Variants in RSPH14 observed in about 807,000 individuals in gnomAD.
RSPH14 encodes radial spoke head 14 homolog, also known as rhabdoid tumor deletion region gene 1.
A neutral mutation model predicts 26.7 loss-of-function variants in RSPH14; 20 were observed. That is an observed-to-expected ratio of 0.75 (90% CI 0.53 to 1.09). The LOEUF (loss-of-function observed/expected upper bound fraction) is 1.09, where lower values mean the gene tolerates loss of function less well. RSPH14 is among the 50% of genes least tolerant of loss of function. The pLI, the probability that RSPH14 is intolerant of heterozygous loss-of-function variation, is 0.00. For missense variants in RSPH14, 449 were observed against 457.2 expected (o/e 0.98, Z 0.16); for synonymous variants, 177 against 189.3 (o/e 0.93, Z 0.53).
the RSPH14 span, among the ~76,000 whole-genome samples, chr22:23,168,069 C>G: frequency 6.6e-6 from 1 of 152,094 alleles, no homozygotes; most frequent in Non-Finnish European, 1.5e-5. Context: ...CCAGGCTGCA[C>G]TAATTCTTAC....
In RSPH14 at chr22:23,127,561, C is replaced by T. The variant is rs552450423; in HGVS notation, c.421+6465G>A. 5.3e-5 allele frequency among the ~76,000 whole-genome samples: 8 copies of T among 152,294 alleles called. No homozygotes were observed. In the South Asian group the frequency reaches 8.3e-4, roughly 16 times the overall value. Reference sequence around the variant, plus strand: ...TCCATCGAAGGAAGCTGGGTGTCCACGGGTGGCTGCTGAAGAGGGACAGGG... The same window carrying T: ...TCCATCGAAGGAAGCTGGGTGTCCATGGGTGGCTGCTGAAGAGGGACAGGG... On this transcript the variant is annotated intron_variant, in intron 4 of 6. Transcript: ENST00000216036.
chr22:23,066,517 AG>A (rs775802175), intron 4 of RSPH14, among the ~76,000 whole-genome samples: 14 of 152,330 alleles, frequency 9.2e-5, no homozygotes, highest in African/African-American at 3.1e-4. Context: ...TGCTTAGCAC[AG>A]GGACCGGGGT....
chr22:23,118,942 A>C (rs1415054659), intron 4 of RSPH14, among the ~76,000 whole-genome samples: 3 of 152,238 alleles, frequency 2.0e-5, no homozygotes, highest in Admixed American at 2.0e-4. Context: ...CACAAAGGCC[A>C]GATGGGTGCA....
chr22:23,177,330 C>T, the RSPH14 span, among the ~76,000 whole-genome samples: 12 of 152,126 alleles, frequency 7.9e-5, no homozygotes, highest in Admixed American at 2.6e-4. Flanking sequence ...ATCACTTCCT[C>T]CCCCATACAC....
chr22:23,156,052 G>T, the RSPH14 span: 1 of 1,604,766 alleles, frequency 6.2e-7, no homozygotes, highest in Non-Finnish European at 8.5e-7. Flanking sequence ...ATGCCACGTC[G>T]GGGCTCAACT....
chr22:23,149,970 A>T (rs943662773), upstream of RSPH14: 5 of 990,794 alleles, frequency 5.0e-6, no homozygotes, highest in Non-Finnish European at 7.9e-6. Flanking sequence ...CTAGGAAGGA[A>T]GGCTGGGAAG....
At chr22:23,132,994 C>T (rs2070389961) in intron 4 of RSPH14, 2 of 152,118 alleles carry the variant, frequency 1.3e-5, no homozygotes, top group Admixed American at 1.3e-4. Flanking sequence ...TCTTGGGTAG[C>T]TGGGACATGG....
At chr22:23,121,931 CTG>C (rs1027454277) in intron 4 of RSPH14, among the ~76,000 whole-genome samples, 1 of 152,042 alleles carries the variant, frequency 6.6e-6, no homozygotes, top group African/African-American at 2.4e-5. Context: ...TGAAGTTTCA[CTG>C]TGTTGGCCAG....
chr22:23,079,630 C>G (rs1244672515), intron 4 of RSPH14, among the ~76,000 whole-genome samples: 1 of 152,190 alleles, frequency 6.6e-6, no homozygotes, highest in Non-Finnish European at 1.5e-5. Flanking sequence ...TACAAGGATG[C>G]CCCTGGCTGC....
chr22:23,163,605 A>AGCCCC, the RSPH14 span: 1 of 109,074 alleles, frequency 9.2e-6, no homozygotes, highest in Admixed American at 9.1e-5. Flanking sequence ...ACAAGGTGAA[A>AGCCCC]GCCCCCCCCC....
chr22:23,097,648 T>G (rs2069166355), intron 4 of RSPH14, among the ~76,000 whole-genome samples: 1 of 152,268 alleles, frequency 6.6e-6, no homozygotes, highest in Admixed American at 6.5e-5. Context: ...TCCAGGGTTC[T>G]GGCCCCTTAC....
chr22:23,180,591 C>CGGCGGCG, the RSPH14 span: 17 of 27,628 alleles, frequency 6.2e-4, no homozygotes, highest in African/African-American at 3.3e-3. Context: ...GCGGCGGCGG[C>CGGCGGCG]ACGGCGGCGG....
At chr22:23,157,626 G>C in the RSPH14 span, among the ~76,000 whole-genome samples, 1 of 152,192 alleles carries the variant, frequency 6.6e-6, no homozygotes, top group African/African-American at 2.4e-5. Flanking sequence ...TACAGGTCTC[G>C]TCCTCGCCAT....
chr22:23,085,509 C>G (rs1168634740), intron 4 of RSPH14, among the ~76,000 whole-genome samples: 1 of 152,214 alleles, frequency 6.6e-6, no homozygotes, highest in Non-Finnish European at 1.5e-5. Context: ...GATTTAGGAG[C>G]AACGGGAGAA....
chr22:23,155,974 C>T, the RSPH14 span: 4 of 1,611,468 alleles, frequency 2.5e-6, no homozygotes, highest in Non-Finnish European at 3.4e-6. Flanking sequence ...ACAGCTGGGA[C>T]ACAGCTGGGC....
rs146565039 is a variant in RSPH14 at position 23,094,018 on chromosome 22, G to A, written c.422-29885C>T. 2.2e-3 allele frequency among the ~76,000 whole-genome samples: 335 copies of A among 152,298 alleles called. 4 individuals are homozygous for A. Among genetic ancestry groups the A allele is most frequent in the African/African-American group, 6.6e-3 (274 of 41,546 alleles). On this transcript the variant is annotated intron_variant, in intron 4 of 6. Coordinates refer to ENST00000216036, the MANE Select transcript of RSPH14 (RefSeq NM_014433.3). Reference sequence around the variant, plus strand: ...GGAGGATGAAGTGCCATTTGCTGAGGGTTTAGCAGGTTGAGTTTCAGATGC... The same window carrying A: ...GGAGGATGAAGTGCCATTTGCTGAGAGTTTAGCAGGTTGAGTTTCAGATGC...
chr22:23,060,854 C>T (rs1440423212), intron 6 of RSPH14, among the ~76,000 whole-genome samples: 1 of 152,318 alleles, frequency 6.6e-6, no homozygotes, highest in South Asian at 2.1e-4. Context: ...GAATAAGTGG[C>T]CTCATCTCCC....
chr22:23,100,463 G>T (rs1382101234), intron 4 of RSPH14, among the ~76,000 whole-genome samples: 1 of 152,228 alleles, frequency 6.6e-6, no homozygotes, highest in Non-Finnish European at 1.5e-5. Context: ...AGGGGACGGG[G>T]GACATAAGAA....
At chr22:23,176,824 A>G in the RSPH14 span, among the ~76,000 whole-genome samples, 1 of 152,064 alleles carries the variant, frequency 6.6e-6, no homozygotes, top group Non-Finnish European at 1.5e-5. Flanking sequence ...CCAGCAAGTC[A>G]CCCCGCTTCC....
Sources: gnomAD v4.1 joint callset for allele counts (sites outside exome capture counted in the v4.1 genomes callset) on GRCh38, gnomAD v4.1.1 for gene constraint, MANE v1.5 for transcripts, NCBI Gene and HGNC (gene_info 2026-07-23, HGNC 2026-07-21) for gene names.